The following PLCH1 variants were observed in gnomAD, a reference collection of about 807,000 sequenced individuals.
The protein encoded by PLCH1 is phospholipase C eta 1.
A neutral mutation model predicts 126.7 loss-of-function variants in PLCH1; 60 were observed. That is an observed-to-expected ratio of 0.47 (90% CI 0.38 to 0.59). PLCH1 has a LOEUF of 0.59. Ranked by LOEUF, PLCH1 falls within the 20% of genes least tolerant of loss-of-function variation. PLCH1 has a pLI of 0.00. For missense variants in PLCH1, 1,723 were observed against 2,040.0 expected (o/e 0.84, Z 2.99); for synonymous variants, 719 against 734.9 (o/e 0.98, Z 0.35).
Position 155,488,728 on chromosome 3 carries a change from C to A in PLCH1, c.2471G>T (p.Trp824Leu), listed in dbSNP as rs775891085. 2.5e-6 allele frequency: 4 copies of A among 1,613,872 alleles called. No individual in the cohort carries two copies. In the African/African-American group the frequency reaches 5.3e-5, roughly 22 times the overall value. The change falls in exon 20 of 23, where the codon TGG becomes TTG. Residue 824 changes from tryptophan to leucine, a missense_variant. By Grantham distance (61) the Trp-to-Leu change is moderately conservative. Transcript: ENST00000460012. Reference protein sequence around the residue: ...PEIALVRFLVWDHDPIGRDFV... With the variant: ...PEIALVRFLVLDHDPIGRDFV... ...GTCTCGTCCAATGGGATCGTGATCC[C>A]ACACAAGGAACCGAACCAAAGCTAT...
chr3:155,554,537 C>T (rs1243140461), intron 8 of PLCH1, among the ~76,000 whole-genome samples: 1 of 127,644 alleles, frequency 7.8e-6, no homozygotes, highest in African/African-American at 2.5e-5. Flanking sequence ...GGTCATTTAC[C>T]CAATTTCACT....
intron 17 of PLCH1, among the ~76,000 whole-genome samples, chr3:155,493,578 G>A (rs755439364): frequency 7.2e-5 from 11 of 152,130 alleles, no homozygotes; most frequent in East Asian, 1.9e-4. Context: ...TAGAGACGGC[G>A]TTTTACCATG....
intron 2 of PLCH1, among the ~76,000 whole-genome samples, chr3:155,650,665 T>C (rs1046112442): frequency 1.3e-5 from 2 of 152,184 alleles, no homozygotes; most frequent in African/African-American, 4.8e-5. Context: ...CAATGAGCTA[T>C]TATGAATCAA....
intron 21 of PLCH1, among the ~76,000 whole-genome samples, chr3:155,466,576 C>A (rs1452658355): frequency 6.6e-6 from 1 of 152,150 alleles, no homozygotes; most frequent in Non-Finnish European, 1.5e-5. Context: ...TTTCAATGCT[C>A]AGACACTGAA....
At chr3:155,534,390 C>T (rs73013261) in intron 10 of PLCH1, among the ~76,000 whole-genome samples, 3,588 of 152,250 alleles carry the variant, frequency 0.024, 98 homozygotes, top group African/African-American at 0.066. Context: ...TTGTTTTGGC[C>T]GATGTCTCCT....
intron 22 of PLCH1, among the ~76,000 whole-genome samples, chr3:155,485,015 TCAAAA>T (rs1449996185): frequency 6.6e-6 from 1 of 152,184 alleles, no homozygotes; most frequent in Non-Finnish European, 1.5e-5. Flanking sequence ...ATATTCACCC[TCAAAA>T]CAAATCAGTA....
At chr3:155,551,391 G>A (rs189650581) in intron 9 of PLCH1, among the ~76,000 whole-genome samples, 342 of 139,420 alleles carry the variant, frequency 2.5e-3, no homozygotes, top group African/African-American at 8.8e-3. Flanking sequence ...GTTGCAGTGA[G>A]CTGAGATCAT....
chr3:155,637,690 T>C (rs544107936), intron 2 of PLCH1, among the ~76,000 whole-genome samples: 7 of 152,304 alleles, frequency 4.6e-5, no homozygotes, highest in East Asian at 1.9e-4. Context: ...GTAGTTAATA[T>C]TGAAGATTAG....
rs190995482 is a variant in PLCH1, at chr3:155,628,287, G to T, written c.80-31909C>A. On this transcript the variant is annotated intron_variant, in intron 2 of 22. Coordinates refer to ENST00000460012, the MANE Select transcript of PLCH1 (RefSeq NM_014996.4). ...TTCTCCCCTGAAGCAGGTCATAAAA[G>T]AATTACCTGACCTTCCTGTAACATA... Among the ~76,000 whole-genome samples, 123 of 134,404 alleles carry T rather than the reference G, an allele frequency of 9.2e-4. 4 individuals carry two copies. In the East Asian group the frequency reaches 0.018, roughly 20 times the overall value. 88.2% of individuals were successfully genotyped at this position (134,404 alleles called of 152,430 possible). A position where few individuals can be genotyped will look rare whatever the true frequency, so the allele number is the denominator to read the frequency against.
intron 2 of PLCH1, among the ~76,000 whole-genome samples, chr3:155,650,909 G>A (rs1369651096): frequency 2.6e-5 from 4 of 152,128 alleles, no homozygotes; most frequent in African/African-American, 7.2e-5. Context: ...ATGGTGGCAG[G>A]TGCCTGCAGT....
intron 2 of PLCH1, among the ~76,000 whole-genome samples, chr3:155,616,517 G>T (rs1364518943): frequency 6.6e-6 from 1 of 151,984 alleles, no homozygotes; most frequent in Non-Finnish European, 1.5e-5. Context: ...AATTGTAAAA[G>T]GTTATAAAAG....
At chr3:155,490,288 G>A (rs1049683510) in intron 19 of PLCH1, among the ~76,000 whole-genome samples, 6 of 152,030 alleles carry the variant, frequency 3.9e-5, no homozygotes, top group South Asian at 4.1e-4. Flanking sequence ...ATATTATGGC[G>A]AAAATATAAG....
At chr3:155,626,685 C>G (rs2108794078) in intron 2 of PLCH1, among the ~76,000 whole-genome samples, 1 of 139,162 alleles carries the variant, frequency 7.2e-6, no homozygotes, top group Middle Eastern at 4.2e-3. Context: ...AGGAGAATGG[C>G]ATGAACCCGG....
At chr3:155,683,189 A>T (rs1326210679) in intron 2 of PLCH1, among the ~76,000 whole-genome samples, 3 of 152,208 alleles carry the variant, frequency 2.0e-5, no homozygotes, top group Non-Finnish European at 4.4e-5. Flanking sequence ...TGAGCCACTC[A>T]TTAGCCTGAC....
At chr3:155,696,823 T>G (rs2109059686) in intron 2 of PLCH1, among the ~76,000 whole-genome samples, 1 of 152,192 alleles carries the variant, frequency 6.6e-6, no homozygotes, top group East Asian at 1.9e-4. Flanking sequence ...CTGGCTGGAC[T>G]CTCAATGGCC....
chr3:155,630,840 A>G (rs891407883), intron 2 of PLCH1, among the ~76,000 whole-genome samples: 3 of 152,196 alleles, frequency 2.0e-5, no homozygotes, highest in Non-Finnish European at 4.4e-5. Flanking sequence ...TACAGTTTTT[A>G]AAAACTTCTT....
chr3:155,634,425 C>T (rs1002124719), intron 2 of PLCH1, among the ~76,000 whole-genome samples: 1 of 152,184 alleles, frequency 6.6e-6, no homozygotes, highest in African/African-American at 2.4e-5. Context: ...CATTACCCTT[C>T]CCATTTTCCC....
chr3:155,528,960 T>C (rs1722310553), intron 10 of PLCH1, among the ~76,000 whole-genome samples: 1 of 152,222 alleles, frequency 6.6e-6, no homozygotes. Flanking sequence ...CTGGCAAATA[T>C]TTTATACAGG....
At chr3:155,537,789 C>G (rs1723643347) in intron 10 of PLCH1, among the ~76,000 whole-genome samples, 1 of 152,020 alleles carries the variant, frequency 6.6e-6, no homozygotes, top group Non-Finnish European at 1.5e-5. Context: ...GACAGCAACA[C>G]AATAATAGTG....
Sources: allele counts gnomAD v4.1 joint callset (sites outside exome capture counted in the v4.1 genomes callset), GRCh38; gene constraint gnomAD v4.1.1; transcripts MANE v1.5; gene names NCBI Gene and HGNC (gene_info 2026-07-23, HGNC 2026-07-21).